Variants in ITPRID1 observed in about 807,000 individuals in gnomAD.
ITPRID1 encodes the protein protein ITPRID1.
A neutral mutation model predicts 95.4 loss-of-function variants in ITPRID1; 96 were observed. The ratio of observed to expected loss-of-function variants is 1.01; its 90% CI spans 0.85 to 1.19. The LOEUF is 1.19. Ranked by LOEUF, ITPRID1 falls within the 50% of genes most tolerant of loss-of-function variation. ITPRID1 has a pLI of 0.00. For synonymous variants in ITPRID1, 510 were observed against 453.6 expected (o/e 1.12, Z -1.58); for missense variants, 1,339 against 1,252.9 (o/e 1.07, Z -1.04).
chr7:31,589,300 T>G (rs1785762554), intron 10 of ITPRID1, among the ~76,000 whole-genome samples: 1 of 152,024 alleles, frequency 6.6e-6, no homozygotes, highest in South Asian at 2.1e-4. Flanking sequence ...GATTTGAAAA[T>G]TATAGAAAAT....
chr7:31,625,389 T>C (rs1281742761), intron 10 of ITPRID1, among the ~76,000 whole-genome samples: 2 of 151,876 alleles, frequency 1.3e-5, no homozygotes, highest in Non-Finnish European at 2.9e-5. Flanking sequence ...CCAACAATGA[T>C]AGACTGGATT....
chr7:31,581,676 C>A (rs1785409381), intron 9 of ITPRID1, among the ~76,000 whole-genome samples: 1 of 151,874 alleles, frequency 6.6e-6, no homozygotes, highest in East Asian at 1.9e-4. Context: ...GGTGGAATAG[C>A]CCAGGAATAC....
intron 9 of ITPRID1, among the ~76,000 whole-genome samples, chr7:31,581,764 T>C (rs1428815783): frequency 6.6e-6 from 1 of 152,150 alleles, no homozygotes; most frequent in Admixed American, 6.5e-5. Context: ...TTGCCCTAAG[T>C]GGATTTTTCT....
chr7:31,586,031 T>TTCC (rs1785588705), intron 10 of ITPRID1, among the ~76,000 whole-genome samples: 1 of 140,394 alleles, frequency 7.1e-6, no homozygotes, highest in Admixed American at 7.4e-5. Flanking sequence ...GATATTCCCC[T>TTCC]TCCTGTGTTC....
chr7:31,515,810 T>A (rs1055396525), intron 1 of ITPRID1, among the ~76,000 whole-genome samples: 15 of 152,100 alleles, frequency 9.9e-5, no homozygotes, highest in Non-Finnish European at 1.6e-4. Context: ...ACAGAAAGAA[T>A]GATGGAAGGA....
At chr7:31,573,963 C>G (rs1785084689) in intron 7 of ITPRID1, among the ~76,000 whole-genome samples, 1 of 151,870 alleles carries the variant, frequency 6.6e-6, no homozygotes, top group African/African-American at 2.4e-5. Context: ...TTGGTAAAAG[C>G]ATTTTTTGTT....
chr7:31,602,589 T>C (rs1786440887), intron 10 of ITPRID1, among the ~76,000 whole-genome samples: 2 of 152,166 alleles, frequency 1.3e-5, no homozygotes, highest in Non-Finnish European at 2.9e-5. Flanking sequence ...CCCTTGTAGT[T>C]GGCTGTTTGT....
chr7:31,550,967 A>G (rs1164536084), intron 2 of ITPRID1, among the ~76,000 whole-genome samples: 1 of 143,918 alleles, frequency 6.9e-6, no homozygotes, highest in African/African-American at 2.4e-5. Flanking sequence ...AGCAATTTGA[A>G]TACTATCAGC....
At chr7:31,555,537 C>A (rs1236484881) in intron 5 of ITPRID1, among the ~76,000 whole-genome samples, 1 of 65,386 alleles carries the variant, frequency 1.5e-5, no homozygotes, top group Non-Finnish European at 4.6e-5. Flanking sequence ...ATTTTAAGTA[C>A]CATTTAGAAA....
Position 31,574,722 on chromosome 7 carries a change from T to C in ITPRID1, c.578T>C (p.Ile193Thr), listed in dbSNP as rs1447441998. 3 of 1,613,762 alleles carry C rather than the reference T, an allele frequency of 1.9e-6. No homozygotes were observed. Among genetic ancestry groups the C allele is most frequent in the East Asian group, 2.2e-5 (1 of 44,850 alleles). Residue 193 changes from isoleucine (I) to threonine (T), a missense_variant, in exon 8 of 15, where the codon ATT becomes ACT. Coordinates refer to ENST00000615280, the MANE Select transcript of ITPRID1 (RefSeq NM_001257967.3). Reference protein sequence around the residue: ...FLEAQKQRMDIENPNLYGRFR... With the variant: ...FLEAQKQRMDTENPNLYGRFR... ...GAAGCTCAAAAGCAGCGAATGGACA[T>C]TGAGAACCCCAACTTGTACGGTAAG... is the stretch of plus-strand genomic sequence containing the variant.
At chr7:31,591,641 A>G (rs1212461503) in intron 10 of ITPRID1, among the ~76,000 whole-genome samples, 1 of 152,192 alleles carries the variant, frequency 6.6e-6, no homozygotes, top group East Asian at 1.9e-4. Flanking sequence ...TGAAAGTATG[A>G]GCAAGTTTTA....
chr7:31,656,293 T>C lies in ITPRID1; in HGVS notation c.*3464T>C, dbSNP rs1279291660. 5.5e-6 allele frequency: 1 copy of C among 180,430 alleles called. No individual in the cohort carries two copies. Among genetic ancestry groups the C allele is most frequent in the Non-Finnish European group, 1.1e-5 (1 of 93,938 alleles). The allele number at this position is 180,430 out of a possible 1,614,324, so 11.2% of individuals were successfully genotyped here. A position where few individuals can be genotyped will look rare whatever the true frequency, so the allele number is the denominator to read the frequency against. ...AGGAAAGTACAGACTCCTTTCTTTA[T>C]CATGTGTGACCTCGGGCACTTGCTC... On this transcript the variant is annotated 3_prime_UTR_variant, in exon 15 of 15. Coordinates refer to ENST00000615280, the MANE Select transcript of ITPRID1 (RefSeq NM_001257967.3).
chr7:31,524,513 G>T (rs954942128), intron 1 of ITPRID1, among the ~76,000 whole-genome samples: 2 of 152,122 alleles, frequency 1.3e-5, no homozygotes, highest in Admixed American at 6.5e-5. Context: ...CCTCCATTTT[G>T]TTACTTTTCT....
At chr7:31,590,270 A>G (rs1610059) in intron 10 of ITPRID1, among the ~76,000 whole-genome samples, 74,435 of 151,918 alleles carry the variant, frequency 0.49, 19,179 homozygotes, top group African/African-American at 0.64. Flanking sequence ...TTAAAATTCA[A>G]TAGAATTAGT....
chr7:31,559,134 A>G (rs1469736304), intron 5 of ITPRID1, among the ~76,000 whole-genome samples: 1 of 152,144 alleles, frequency 6.6e-6, no homozygotes, highest in Admixed American at 6.5e-5. Flanking sequence ...CACAAGAAAT[A>G]TCTCCCCCTA....
At chr7:31,591,957 A>G (rs1231678542) in intron 10 of ITPRID1, among the ~76,000 whole-genome samples, 1 of 152,234 alleles carries the variant, frequency 6.6e-6, no homozygotes, top group Admixed American at 6.5e-5. Flanking sequence ...GATTTAACTC[A>G]CACATTTCTG....
intron 10 of ITPRID1, among the ~76,000 whole-genome samples, chr7:31,593,944 A>G (rs1785968833): frequency 6.6e-6 from 1 of 152,216 alleles, no homozygotes; most frequent in South Asian, 2.1e-4. Context: ...GTGAGAAAAA[A>G]GTTACATGCA....
chr7:31,656,299 G>A lies in ITPRID1; in HGVS notation c.*3470G>A, dbSNP rs1404690740. The A allele has an allele frequency of 5.5e-6, 1 of 181,576 alleles. No homozygotes were observed. The highest frequency in any genetic ancestry group is 2.4e-5 in the African/African-American group (1 of 41,954). 11.2% of individuals were successfully genotyped at this position (181,576 alleles called of 1,614,324 possible). A position where few individuals can be genotyped will look rare whatever the true frequency, so the allele number is the denominator to read the frequency against. On this transcript the variant is annotated 3_prime_UTR_variant, in exon 15 of 15. Transcript: ENST00000615280. ...GTACAGACTCCTTTCTTTATCATGT[G>A]TGACCTCGGGCACTTGCTCTCTTTA...
At chr7:31,586,467 G>T (rs1293362771) in intron 10 of ITPRID1, among the ~76,000 whole-genome samples, 158 of 134,124 alleles carry the variant, frequency 1.2e-3, no homozygotes, top group Middle Eastern at 4.2e-3. Context: ...CAGTGTAAAA[G>T]TATTCCTATT....
Sources: gnomAD v4.1 joint callset for allele counts (sites outside exome capture counted in the v4.1 genomes callset) on GRCh38, gnomAD v4.1.1 for gene constraint, MANE v1.5 for transcripts, NCBI Gene and HGNC (gene_info 2026-07-23, HGNC 2026-07-21) for gene names.